Variants in PEAK1 observed in about 807,000 individuals in gnomAD.
PEAK1 encodes inactive tyrosine-protein kinase PEAK1.
A neutral mutation model predicts 124.7 loss-of-function variants in PEAK1; 54 were observed. The observed-to-expected ratio is 0.43, with a 90% CI of 0.35 to 0.54. The LOEUF is 0.54. Among genes scored for constraint, PEAK1 ranks in the 20% least tolerant of loss-of-function variants. PEAK1 has a pLI of 0.01. For synonymous variants in PEAK1, 719 were observed against 760.0 expected (o/e 0.95, Z 0.89); for missense variants, 2,046 against 2,134.5 (o/e 0.96, Z 0.82).
chr15:77,143,301 T>A lies in PEAK1; in HGVS notation c.3332-9551A>T, dbSNP rs116446879. ...CACGGAGAAGGTTAGAAGCAGTGAATTGCACCAGCTGAGGCCCTATCATCC... is the reference window on the plus strand; with the variant it reads ...CACGGAGAAGGTTAGAAGCAGTGAAATGCACCAGCTGAGGCCCTATCATCC... On this transcript the variant is annotated intron_variant, in intron 8 of 9. Transcript: ENST00000682557. 7.3e-3 allele frequency among the ~76,000 whole-genome samples: 1,111 copies of A among 152,292 alleles called. 15 individuals carry two copies. The highest frequency in any genetic ancestry group is 0.025 in the African/African-American group (1,055 of 41,544).
chr15:77,171,629 T>A (rs62008381), intron 7 of PEAK1, among the ~76,000 whole-genome samples: 11,714 of 152,238 alleles, frequency 0.077, 563 homozygotes, highest in Non-Finnish European at 0.1. Context: ...GTAGGATGAC[T>A]ATAGTTAACA....
chr15:77,208,627 G>A (rs563486781), intron 6 of PEAK1, among the ~76,000 whole-genome samples: 1 of 152,156 alleles, frequency 6.6e-6, no homozygotes, highest in South Asian at 2.1e-4. Context: ...ATGTTGTATA[G>A]GGAAAAAACA....
In PEAK1 at chr15:77,144,921, G is replaced by A. The variant is rs77672125; in HGVS notation, c.3332-11171C>T. ...TCCTGTACATTCCTGTCAAGCCCCT[G>A]GGACCAGACACCAAGCTCAGCTTTC... On this transcript the variant is annotated intron_variant, in intron 8 of 9. Coordinates refer to ENST00000682557, the MANE Select transcript of PEAK1 (RefSeq NM_001385026.1). Among the ~76,000 whole-genome samples the A allele has an allele frequency of 4.3e-3, 648 of 152,218 alleles. 1 individual carries two copies. The highest frequency in any genetic ancestry group is 0.013 in the African/African-American group (553 of 41,522).
At chr15:77,224,266 A>G (rs1261845855) in intron 6 of PEAK1, among the ~76,000 whole-genome samples, 1 of 152,044 alleles carries the variant, frequency 6.6e-6, no homozygotes, top group African/African-American at 2.4e-5. Flanking sequence ...ACATTCCATA[A>G]CAAAAAGGGC....
At chr15:77,247,802 A>C (rs1458641955) in intron 6 of PEAK1, among the ~76,000 whole-genome samples, 1 of 152,088 alleles carries the variant, frequency 6.6e-6, no homozygotes, top group Non-Finnish European at 1.5e-5. Flanking sequence ...AGATTAAAAC[A>C]ACCTTGAATT....
At chr15:77,115,582 G>A (rs1011518649) in intron 9 of PEAK1, among the ~76,000 whole-genome samples, 1 of 151,676 alleles carries the variant, frequency 6.6e-6, no homozygotes, top group African/African-American at 2.4e-5. Flanking sequence ...GAGGATCTAA[G>A]AATTTAAAAA....
chr15:77,329,892 AGT>A (rs2065797585), intron 2 of PEAK1, among the ~76,000 whole-genome samples: 1 of 152,194 alleles, frequency 6.6e-6, no homozygotes, highest in Non-Finnish European at 1.5e-5. Context: ...GGGGGAAAAA[AGT>A]GTAATTTCCT....
chr15:77,151,262 A>G (rs2054598265), intron 8 of PEAK1, among the ~76,000 whole-genome samples: 1 of 151,724 alleles, frequency 6.6e-6, no homozygotes, highest in East Asian at 1.9e-4. Context: ...TCTGATGGCC[A>G]GTGATGATGA....
rs1344312509 is a variant in PEAK1 at position 77,115,209 on chromosome 15, A to C, written c.4188T>G (p.Ala1396=). 3.7e-6 allele frequency: 6 copies of C among 1,614,118 alleles called. No individual in the cohort carries two copies. The highest frequency in any genetic ancestry group is 4.2e-6 in the Non-Finnish European group (5 of 1,180,056). Reference sequence around the variant, plus strand: ...AGGGAAGCAGACGGTTAGGGACTTCAGCAAGGAAATGACCACAGTCCTGCT... The same window carrying C: ...AGGGAAGCAGACGGTTAGGGACTTCCGCAAGGAAATGACCACAGTCCTGCT... ...NIQQDCGHFL[A]EVPNRLLPWE... is the part of the protein sequence containing the mutation. The change falls in exon 10 of 10, where the codon GCT becomes GCG. Residue 1396 remains alanine, a synonymous_variant. Transcript: ENST00000682557.
chr15:77,349,548 A>G (rs2067083296), intron 2 of PEAK1: 1 of 984,630 alleles, frequency 1.0e-6, no homozygotes, highest in East Asian at 1.1e-4. Context: ...GTTTGTTCAT[A>G]GATTATTTAA....
intron 8 of PEAK1, among the ~76,000 whole-genome samples, chr15:77,152,508 A>G (rs2054736225): frequency 6.6e-6 from 1 of 152,150 alleles, no homozygotes; most frequent in Admixed American, 6.5e-5. Flanking sequence ...TGCCCTGGCC[A>G]GAACTTCCAA....
Position 77,133,206 on chromosome 15 carries a change from G to C in PEAK1, c.3876C>G (p.Ser1292Arg). 1.2e-6 allele frequency: 2 copies of C among 1,614,188 alleles called. No homozygotes were observed. The highest frequency in any genetic ancestry group is 2.7e-5 in the African/African-American group (2 of 75,044). Residue 1292 changes from serine to arginine, a missense_variant, in exon 9 of 10, where the codon AGC (serine) becomes AGG (arginine). By Grantham distance (110) the Ser-to-Arg change is moderately radical (BLOSUM62 -1). Coordinates refer to ENST00000682557, the MANE Select transcript of PEAK1 (RefSeq NM_001385026.1). The surrounding 1 kb of genome is among the most constrained non-coding windows in gnomAD (Gnocchi z 4.2). ...GTTTCTTCAAGGCATCTGTATGAAG[G>C]CTTCGGATTTTACCCACTACTTCCT... Reference protein sequence around the residue: ...NREEVVGKIRSLHTDALKKLA... With the variant: ...NREEVVGKIRRLHTDALKKLA...
intron 6 of PEAK1, among the ~76,000 whole-genome samples, chr15:77,190,724 T>C (rs901582904): frequency 6.6e-6 from 1 of 152,210 alleles, no homozygotes; most frequent in African/African-American, 2.4e-5. Flanking sequence ...AATGACATCA[T>C]GGTGCAACCA....
At chr15:77,306,570 C>T (rs1344466881) in intron 2 of PEAK1, among the ~76,000 whole-genome samples, 5 of 152,212 alleles carry the variant, frequency 3.3e-5, no homozygotes, top group East Asian at 1.9e-4. Flanking sequence ...TTGGCATTTA[C>T]GTTTTGAACT....
At chr15:77,266,325 G>C (rs554789741) in intron 5 of PEAK1, among the ~76,000 whole-genome samples, 1 of 152,086 alleles carries the variant, frequency 6.6e-6, no homozygotes, top group East Asian at 1.9e-4. Context: ...TTTACTCCTA[G>C]GTATTTACTC....
intron 1 of PEAK1, among the ~76,000 whole-genome samples, chr15:77,384,855 T>G (rs2069791530): frequency 6.6e-6 from 1 of 152,204 alleles, no homozygotes; most frequent in Admixed American, 6.5e-5. Flanking sequence ...TTTTGCTGTA[T>G]GTCAACAGTT....
chr15:77,370,410 A>C lies in PEAK1; in HGVS notation c.-665-5185T>G, dbSNP rs947364005. ...AAGCAAAATGTCACCTCAGGGGAAA[A>C]TGTTTAGGTACCACCTTGGGAAAGT... On this transcript the variant is annotated intron_variant, in intron 1 of 9. Transcript: ENST00000682557. 2.9e-4 allele frequency among the ~76,000 whole-genome samples: 44 copies of C among 152,202 alleles called. 1 individual carries two copies. The highest frequency in any genetic ancestry group is 1.9e-4 in the Non-Finnish European group (13 of 68,032).
At chr15:77,308,173 A>G (rs2064214427) in intron 2 of PEAK1, among the ~76,000 whole-genome samples, 1 of 152,106 alleles carries the variant, frequency 6.6e-6, no homozygotes, top group African/African-American at 2.4e-5. Flanking sequence ...GCTTTCATCT[A>G]ATAAGCAGTT....
At chr15:77,128,407 C>T (rs1596283317) in intron 9 of PEAK1, among the ~76,000 whole-genome samples, 1 of 152,180 alleles carries the variant, frequency 6.6e-6, no homozygotes, top group East Asian at 1.9e-4. Flanking sequence ...CTGCTTTTCC[C>T]ACCAAAGGAC....
Sources: gnomAD v4.1 joint callset for allele counts (sites outside exome capture counted in the v4.1 genomes callset) on GRCh38, gnomAD v4.1.1 for gene constraint, Gnocchi (gnomAD v3.1) non-coding constraint, MANE v1.5 for transcripts, NCBI Gene and HGNC (gene_info 2026-07-23, HGNC 2026-07-21) for gene names.